Variants in BMAL2 observed in about 807,000 individuals in gnomAD.
BMAL2 encodes basic helix-loop-helix ARNT-like protein 2.
the BMAL2 span, among the ~76,000 whole-genome samples, chr12:27,405,722 C>T: frequency 6.6e-6 from 1 of 152,142 alleles, no homozygotes; most frequent in African/African-American, 2.4e-5. Flanking sequence ...CAGCTCCTTA[C>T]CAGCAATGGA....
the BMAL2 span, among the ~76,000 whole-genome samples, chr12:27,339,951 GT>G: frequency 6.6e-6 from 1 of 151,928 alleles, no homozygotes; most frequent in Non-Finnish European, 1.5e-5. Flanking sequence ...GGAGTTGTTT[GT>G]TTTTTCCTTG....
At chr12:27,411,736 G>A in the BMAL2 span, among the ~76,000 whole-genome samples, 5 of 152,038 alleles carry the variant, frequency 3.3e-5, no homozygotes, top group South Asian at 2.1e-4. Context: ...CACATATTCT[G>A]GATATTAACC....
the BMAL2 span, among the ~76,000 whole-genome samples, chr12:27,411,864 T>G: frequency 1.3e-3 from 204 of 152,326 alleles, no homozygotes; most frequent in Non-Finnish European, 2.5e-3. Flanking sequence ...TCCAATTTAT[T>G]TATTTATTTT....
the BMAL2 span, among the ~76,000 whole-genome samples, chr12:27,336,075 G>A: frequency 6.6e-6 from 1 of 152,098 alleles, no homozygotes; most frequent in Non-Finnish European, 1.5e-5. Context: ...ATTCATTCTG[G>A]TAGCCCTAGT....
the BMAL2 span, among the ~76,000 whole-genome samples, chr12:27,380,577 T>C: frequency 1.3e-5 from 2 of 152,304 alleles, no homozygotes; most frequent in South Asian, 2.1e-4. Context: ...GAATACTGAA[T>C]TGGATGTCAG....
the BMAL2 span, among the ~76,000 whole-genome samples, chr12:27,399,396 G>A: frequency 6.6e-6 from 1 of 152,164 alleles, no homozygotes; most frequent in African/African-American, 2.4e-5. Flanking sequence ...AGTGGGCTCT[G>A]GAGCCAGCCT....
the BMAL2 span, among the ~76,000 whole-genome samples, chr12:27,351,695 T>A: frequency 6.6e-6 from 1 of 152,208 alleles, no homozygotes; most frequent in Non-Finnish European, 1.5e-5. Context: ...CCTCACCTGT[T>A]CCTTCAGAAA....
At chr12:27,381,364 G>A in the BMAL2 span, among the ~76,000 whole-genome samples, 2 of 150,480 alleles carry the variant, frequency 1.3e-5, no homozygotes, top group African/African-American at 2.5e-5. Flanking sequence ...ATTGGCTCCC[G>A]GTTCCACAGG....
chr12:27,333,104 G>A, the BMAL2 span: 1 of 1,205,938 alleles, frequency 8.3e-7, no homozygotes, highest in Non-Finnish European at 1.0e-6. Context: ...GCGGCGGGAG[G>A]TGAGGTTGCC....
At chr12:27,336,472 G>A in the BMAL2 span, among the ~76,000 whole-genome samples, 18 of 152,094 alleles carry the variant, frequency 1.2e-4, no homozygotes, top group Non-Finnish European at 2.2e-4. Flanking sequence ...CTGTAGTAGC[G>A]TGTAGTATTT....
At chr12:27,360,885 C>T in the BMAL2 span, among the ~76,000 whole-genome samples, 2 of 146,058 alleles carry the variant, frequency 1.4e-5, no homozygotes, top group Non-Finnish European at 3.0e-5. Context: ...TTTGGACTCT[C>T]AGAAGTTAAG....
At chr12:27,338,900 T>A in the BMAL2 span, among the ~76,000 whole-genome samples, 1 of 152,208 alleles carries the variant, frequency 6.6e-6, no homozygotes, top group Admixed American at 6.5e-5. Context: ...CTCCAAGTTA[T>A]CTGGGCCCCT....
the BMAL2 span, among the ~76,000 whole-genome samples, chr12:27,371,795 A>G: frequency 1.6e-4 from 25 of 152,362 alleles, no homozygotes; most frequent in African/African-American, 5.5e-4. Context: ...ATTAATTGGC[A>G]TCAATTACAT....
At chr12:27,410,643 T>G in the BMAL2 span, among the ~76,000 whole-genome samples, 2 of 151,984 alleles carry the variant, frequency 1.3e-5, no homozygotes, top group Non-Finnish European at 2.9e-5. Context: ...ATACCTAATG[T>G]TAAATGAAGA....
At chr12:27,355,636 C>A in the BMAL2 span, among the ~76,000 whole-genome samples, 1 of 152,164 alleles carries the variant, frequency 6.6e-6, no homozygotes, top group Non-Finnish European at 1.5e-5. Context: ...CCTTGGGCAA[C>A]CCAAAACATC....
At chr12:27,366,181 T>C in the BMAL2 span, among the ~76,000 whole-genome samples, 24 of 152,248 alleles carry the variant, frequency 1.6e-4, no homozygotes, top group African/African-American at 5.5e-4. Flanking sequence ...TTATGTATGA[T>C]ATCAATTTGT....
the BMAL2 span, among the ~76,000 whole-genome samples, chr12:27,378,108 G>A: frequency 2.0e-5 from 3 of 152,150 alleles, no homozygotes; most frequent in African/African-American, 7.2e-5. Context: ...TGTGTTGTAG[G>A]AGAGGGATTT....
chr12:27,355,465 T>C, the BMAL2 span, among the ~76,000 whole-genome samples: 19 of 152,194 alleles, frequency 1.2e-4, no homozygotes, highest in African/African-American at 4.6e-4. Context: ...TTCCAAGTAT[T>C]CCATCCACTT....
the BMAL2 span, among the ~76,000 whole-genome samples, chr12:27,400,969 C>G: frequency 1.3e-5 from 2 of 151,978 alleles, no homozygotes; most frequent in Admixed American, 6.6e-5. Context: ...AAGAGTGTCT[C>G]TTAGCCAGTG....
Sources: allele counts gnomAD v4.1 joint callset (sites outside exome capture counted in the v4.1 genomes callset), GRCh38; gene constraint gnomAD v4.1.1; transcripts MANE v1.5; gene names NCBI Gene and HGNC (gene_info 2026-07-23, HGNC 2026-07-21).